TTC38: variants seen among roughly 807,000 people sequenced by gnomAD.
TTC38 encodes tetratricopeptide repeat domain 38, also known as tetratricopeptide repeat protein 38.
In TTC38, 64 loss-of-function variants were observed where a neutral mutation model predicts 64.2. The ratio of observed to expected loss-of-function variants is 1.00; its 90% confidence interval spans 0.81 to 1.23. TTC38 has a LOEUF of 1.23. TTC38 is among the 50% of genes most tolerant of loss of function. TTC38 has a pLI of 0.00. For synonymous variants in TTC38, 254 were observed against 249.3 expected, an observed-to-expected ratio of 1.02 and a Z score of -0.18; for missense variants, 573 against 615.5, an observed-to-expected ratio of 0.93 and a Z score of 0.73.
rs1436485535 is a variant in TTC38, at chr22:46,275,937, C to G, written c.539+516C>G. Among the ~76,000 whole-genome samples the G allele has an allele frequency of 6.6e-6, 1 of 152,066 alleles. No homozygotes were observed. Among genetic ancestry groups the G allele is most frequent in the African/African-American group, 2.4e-5 (1 of 41,436 alleles). ...AGAACTGATCACATGACCTCACCCA[C>G]CCACAAGAGACCAGGAAGTACAGTT... On this transcript the variant is annotated intron_variant, in intron 5 of 13. Transcript: ENST00000381031. The surrounding 1 kb of genome is among the most constrained non-coding windows in gnomAD (Gnocchi z 4.5).
Position 46,276,617 on chromosome 22 carries a change from G to C in TTC38, c.539+1196G>C, listed in dbSNP as rs2147789143. 6.6e-6 allele frequency among the ~76,000 whole-genome samples: 1 copy of C among 151,472 alleles called. No individual in the cohort carries two copies. The highest frequency in any genetic ancestry group is 2.4e-5 in the African/African-American group (1 of 41,288). On this transcript the variant is annotated intron_variant, in intron 5 of 13. Transcript: ENST00000381031. This position sits in a 1 kb window ranked among gnomAD's most constrained non-coding sequence, Gnocchi z 4.7. ...GGAGGCTGTGGCGGGAGGTTCCCTT[G>C]AGCCCAGGAGTTTGAGGCTGCAGTG...
At chr22:46,289,177 A>G (rs2077593537) in intron 11 of TTC38, among the ~76,000 whole-genome samples, 1 of 152,212 alleles carries the variant, frequency 6.6e-6, no homozygotes, top group South Asian at 2.1e-4. Flanking sequence ...TGAGGCTGGA[A>G]GGTGGGGGAC....
rs1437286081 is a variant in TTC38, at chr22:46,293,130, C to G, written c.*246C>G. 1.9e-5 allele frequency: 9 copies of G among 474,892 alleles called. No homozygotes were observed. Among genetic ancestry groups the G allele is most frequent in the African/African-American group, 3.8e-5 (2 of 52,136 alleles). The allele number at this position is 474,892 out of a possible 1,614,324, so 29.4% of individuals were successfully genotyped here. A position where few individuals can be genotyped will look rare whatever the true frequency, so the allele number is the denominator to read the frequency against. ...AGTCACAGCCAGTGTGAGTGCTGCT[C>G]TTTCCACCTGCCTTGCAAATTCTGT... On this transcript the variant is annotated 3_prime_UTR_variant, in exon 14 of 14. Coordinates refer to ENST00000381031, the MANE Select transcript of TTC38 (RefSeq NM_017931.4). This position sits in a 1 kb window ranked among gnomAD's most constrained non-coding sequence, Gnocchi z 6.6.
intron 6 of TTC38, chr22:46,280,105 G>C (rs2077522678): frequency 2.1e-6 from 1 of 470,994 alleles, no homozygotes; most frequent in African/African-American, 2.0e-5. Context: ...GCACCCCACA[G>C]ACAACTACTG....
chr22:46,292,866 C>T lies in TTC38; in HGVS notation c.1392C>T (p.Thr464=), dbSNP rs775917117. 14 of 1,613,716 alleles carry T rather than the reference C, an allele frequency of 8.7e-6. No homozygotes were observed. Among genetic ancestry groups the T allele is most frequent in the East Asian group, 4.5e-5 (2 of 44,868 alleles). Residue 464 remains threonine (T), a synonymous_variant, in exon 14 of 14, where the codon ACC becomes ACT. Coordinates refer to ENST00000381031, the MANE Select transcript of TTC38 (RefSeq NM_017931.4). The surrounding 1 kb of genome is among the most constrained non-coding windows in gnomAD (Gnocchi z 6.5). Reference sequence around the variant, plus strand: ...AGCGGCTCATCCGCAAGGCAGCTACCGTCCACCTCATGCAGTGAGCCAGCC... The same window carrying T: ...AGCGGCTCATCCGCAAGGCAGCTACTGTCCACCTCATGCAGTGAGCCAGCC... ...LTERLIRKAA[T]VHLMQ
chr22:46,286,436 A>C (rs1314196814), intron 9 of TTC38, among the ~76,000 whole-genome samples: 1 of 152,094 alleles, frequency 6.6e-6, no homozygotes, highest in Non-Finnish European at 1.5e-5. Context: ...TGAGACAGGT[A>C]GATCACCTGA....
At chr22:46,290,019 G>C in intron 13 of TTC38, 120 bp downstream of exon 13, 2 of 906,074 alleles carry the variant, frequency 2.2e-6, no homozygotes, top group Non-Finnish European at 3.6e-6. Context: ...GAGGCTGTGA[G>C]GTCGGGAGGC....
chr22:46,291,230 G>A lies in TTC38; in HGVS notation c.1316+1331G>A, dbSNP rs1403903319. Among the ~76,000 whole-genome samples the A allele has an allele frequency of 6.6e-6, 1 of 152,240 alleles. No homozygotes were observed. Among genetic ancestry groups the A allele is most frequent in the African/African-American group, 2.4e-5 (1 of 41,450 alleles). ...TTTCTTTGGTGGTCAAGCCCCCTGG[G>A]GAGCTCAGGCTGTGGTGTGGGTGGG... On this transcript the variant is annotated intron_variant, in intron 13 of 13. Coordinates refer to ENST00000381031, the MANE Select transcript of TTC38 (RefSeq NM_017931.4). This position sits in a 1 kb window ranked among gnomAD's most constrained non-coding sequence, Gnocchi z 4.6.
At chr22:46,285,107 C>T (rs1029250912) in intron 8 of TTC38, 134 bp from the exon 9 acceptor site, 11 of 747,262 alleles carry the variant, frequency 1.5e-5, no homozygotes, top group Middle Eastern at 3.3e-4. Context: ...AGACACCGTC[C>T]GTCCACCTCT....
At position 46,276,168 on chromosome 22, in the gene TTC38, G is replaced by A. The variant is rs1190087043; in HGVS notation, c.539+747G>A. ...GAGAGAGATGGAGATTTATTTTAAG[G>A]AATTGGCTCATGTGAGTGTGAGGGC... On this transcript the variant is annotated intron_variant, in intron 5 of 13. Transcript: ENST00000381031. The surrounding 1 kb of genome is among the most constrained non-coding windows in gnomAD (Gnocchi z 4.7). Among the ~76,000 whole-genome samples, 1 of 152,190 alleles carries A rather than the reference G, an allele frequency of 6.6e-6. No homozygotes were observed. Among genetic ancestry groups the A allele is most frequent in the East Asian group, 1.9e-4 (1 of 5,200 alleles).
rs1298151729 is a variant in TTC38, at chr22:46,292,244, T to C, written c.1317-547T>C. On this transcript the variant is annotated intron_variant, in intron 13 of 13. Coordinates refer to ENST00000381031, the MANE Select transcript of TTC38 (RefSeq NM_017931.4). This position sits in a 1 kb window ranked among gnomAD's most constrained non-coding sequence, Gnocchi z 6.5. ...GGTCATCCAGGTTGGAATGCAGTGGTGTGATCACAGTTCACTGTAAACTCA... is the reference window on the plus strand; with the variant it reads ...GGTCATCCAGGTTGGAATGCAGTGGCGTGATCACAGTTCACTGTAAACTCA... 2.2e-5 allele frequency: 10 copies of C among 447,142 alleles called. No homozygotes were observed. Among genetic ancestry groups the C allele is most frequent in the Non-Finnish European group, 4.0e-5 (9 of 224,868 alleles). The allele number at this position is 447,142 out of a possible 1,614,324, so 27.7% of individuals were successfully genotyped here.
chr22:46,278,638 C>G lies in TTC38; in HGVS notation c.592C>G (p.Gln198Glu). The G allele has an allele frequency of 6.2e-7, 1 of 1,614,120 alleles. No individual in the cohort carries two copies. Among genetic ancestry groups the G allele is most frequent in the Non-Finnish European group, 8.5e-7 (1 of 1,180,002 alleles). The stretch of plus-strand genomic sequence containing the variant: ...CTTGATGGAAACCAACTTCTACGAC[C>G]AGGCAGAAAAACTCGCCAAAGAGGT... Reference protein sequence around the residue: ...FGLMETNFYDQAEKLAKEALS... With the variant: ...FGLMETNFYDEAEKLAKEALS... The change falls in exon 6 of 14, where the codon CAG becomes GAG. Residue 198 changes from glutamine (Q) to glutamate (E), a missense_variant. Physicochemically the swap from Gln to Glu is conservative, Grantham distance 29. Transcript: ENST00000381031.
chr22:46,291,713 C>T lies in TTC38; in HGVS notation c.1317-1078C>T, dbSNP rs543745026. On this transcript the variant is annotated intron_variant, in intron 13 of 13. Transcript: ENST00000381031. This position sits in a 1 kb window ranked among gnomAD's most constrained non-coding sequence, Gnocchi z 4.6. ...CTCATGCCTGTAATCCCAGCACTTT[C>T]GGAGGCCAAGGCGGGTGGATCACCT... Among the ~76,000 whole-genome samples the T allele has an allele frequency of 3.1e-4, 47 of 152,208 alleles. No individual in the cohort carries two copies. The highest frequency in any genetic ancestry group is 1.0e-3 in the African/African-American group (42 of 41,542).
At chr22:46,280,334 C>A in intron 6 of TTC38, 1 of 390,782 alleles carries the variant, frequency 2.6e-6, no homozygotes, top group Non-Finnish European at 5.2e-6. Flanking sequence ...GGAGCCAGGG[C>A]TGTAGAGGGG....
chr22:46,284,154 T>C, intron 8 of TTC38, 122 bp downstream of exon 8: 1 of 806,000 alleles, frequency 1.2e-6, no homozygotes, highest in East Asian at 2.6e-5. Context: ...AGCATTAACA[T>C]TTCCAAAGAG....
At chr22:46,285,421 T>C (rs1462481356) in intron 9 of TTC38, 142 bp downstream of exon 9, 14 of 828,486 alleles carry the variant, frequency 1.7e-5, no homozygotes, top group Non-Finnish European at 2.7e-5. Flanking sequence ...TAAGGCCTCA[T>C]GGGGTTAATT....
At chr22:46,284,140 A>T in intron 8 of TTC38, 108 bp downstream of exon 8, 1 of 890,416 alleles carries the variant, frequency 1.1e-6, no homozygotes, top group Non-Finnish European at 1.8e-6. Flanking sequence ...CCCTGATGCA[A>T]TGGAGCATTA....
chr22:46,282,622 G>A lies in TTC38; in HGVS notation c.735+904G>A, dbSNP rs189459876. ...CTGAGCCTTGCTGCGGAGGATCCTC[G>A]GGCCTCCAGATTCGGCTCTGTCAAG... On this transcript the variant is annotated intron_variant, in intron 7 of 13. Coordinates refer to ENST00000381031, the MANE Select transcript of TTC38 (RefSeq NM_017931.4). This position sits in a 1 kb window ranked among gnomAD's most constrained non-coding sequence, Gnocchi z 4.4. Among the ~76,000 whole-genome samples, 63 of 152,130 alleles carry A rather than the reference G, an allele frequency of 4.1e-4. No homozygotes were observed. Among genetic ancestry groups the A allele is most frequent in the African/African-American group, 1.4e-3 (56 of 41,424 alleles).
At chr22:46,288,738 C>T (rs2077590165) in intron 11 of TTC38, 150 bp downstream of exon 11, 1 of 745,570 alleles carries the variant, frequency 1.3e-6, no homozygotes. Flanking sequence ...AGGTGTGCAC[C>T]CCTATAGATG....
Sources: allele counts gnomAD v4.1 joint callset (sites outside exome capture counted in the v4.1 genomes callset), GRCh38; gene constraint gnomAD v4.1.1; non-coding constraint Gnocchi (gnomAD v3.1); transcripts MANE v1.5; gene names NCBI Gene and HGNC (gene_info 2026-07-23, HGNC 2026-07-21).